The following PATL2 variants were observed in gnomAD, a reference collection of about 807,000 sequenced individuals.
The protein encoded by PATL2 is protein PAT1 homolog 2.
In PATL2, 73 loss-of-function variants were observed where a neutral mutation model predicts 77.0. That is an observed-to-expected ratio of 0.95 (90% CI 0.78 to 1.15). The LOEUF (loss-of-function observed/expected upper bound fraction) is 1.15. Ranked by LOEUF, PATL2 falls within the 50% of genes most tolerant of loss-of-function variation. The pLI is 0.00. For missense variants in PATL2, 618 were observed against 655.4 expected, an observed-to-expected ratio of 0.94 and a Z score of 0.62; for synonymous variants, 265 against 257.1, an observed-to-expected ratio of 1.03 and a Z score of -0.29.
At chr15:44,698,591 T>C (rs1344789905) in intron 3 of PATL2, among the ~76,000 whole-genome samples, 2 of 152,210 alleles carry the variant, frequency 1.3e-5, no homozygotes, top group Non-Finnish European at 2.9e-5. Flanking sequence ...CCCTTTATTA[T>C]GGCCAAACAC....
At chr15:44,676,781 G>A in intron 3 of PATL2, 1 of 1,235,916 alleles carries the variant, frequency 8.1e-7, no homozygotes, top group Non-Finnish European at 1.0e-6. Flanking sequence ...ATGAGGCACA[G>A]GCTAGAAGCA....
chr15:44,709,758 G>A (rs929396728), intron 3 of PATL2, among the ~76,000 whole-genome samples: 1 of 152,028 alleles, frequency 6.6e-6, no homozygotes, highest in Non-Finnish European at 1.5e-5. Flanking sequence ...TTTTTAAATT[G>A]GTTTTCCAAG....
chr15:44,705,941 C>G (rs1041352711), intron 3 of PATL2, among the ~76,000 whole-genome samples: 10 of 151,746 alleles, frequency 6.6e-5, no homozygotes, highest in Non-Finnish European at 5.9e-5. Flanking sequence ...GCTGGGATTA[C>G]AAGCATATGC....
chr15:44,674,127 T>C, intron 6 of PATL2, 23 bp downstream of exon 6: 1 of 1,526,484 alleles, frequency 6.6e-7, no homozygotes, highest in East Asian at 2.5e-5. Context: ...CTACCCACAG[T>C]ATGGAGACTG....
chr15:44,677,023 A>G lies in PATL2; in HGVS notation c.-75-458T>C, dbSNP rs144586075. 172 of 572,432 alleles carry G rather than the reference A, an allele frequency of 3.0e-4. 1 individual carries two copies. The African/African-American group carries it at 3.4e-3, about 11-fold the overall frequency. 35.5% of individuals were successfully genotyped at this position (572,432 alleles called of 1,614,324 possible). A position where few individuals can be genotyped will look rare whatever the true frequency, so the allele number is the denominator to read the frequency against. On this transcript the variant is annotated intron_variant, in intron 3 of 17. Transcript: ENST00000682850. ...ATTGGGGCCTGATGGAAATATGAGA[A>G]CATAGTTTAATGATTAAAAAAACGC...
Position 44,668,558 on chromosome 15 carries a change from T to TC in PATL2, c.1225-77dup, listed in dbSNP as rs1321245192. The TC allele has an allele frequency of 6.5e-5, 98 of 1,501,448 alleles. No homozygotes were observed. In the African/African-American group the frequency reaches 1.2e-3, roughly 18 times the overall value. The allele number at this position is 1,501,448 out of a possible 1,614,324, so 93.0% of individuals were successfully genotyped here. A position where few individuals can be genotyped will look rare whatever the true frequency, so the allele number is the denominator to read the frequency against. On this transcript the variant is annotated intron_variant, in intron 14 of 17. Coordinates refer to ENST00000682850, the MANE Select transcript of PATL2 (RefSeq NM_001387263.1). ...CCCTTACCTTGCTTCCACAGTCCCT[T>TC]CCCTCGCTGACCTGTCTTTGGCACG... is the stretch of plus-strand genomic sequence containing the variant.
At chr15:44,672,282 G>C in intron 8 of PATL2, 106 bp downstream of exon 8, 1 of 1,525,352 alleles carries the variant, frequency 6.6e-7, no homozygotes, top group Non-Finnish European at 8.9e-7. Flanking sequence ...AACAGTATGA[G>C]AGTTTTAACC....
intron 5 of PATL2, 132 bp downstream of exon 5, chr15:44,675,354 G>T (rs2085899857): frequency 9.5e-7 from 1 of 1,053,076 alleles, no homozygotes; most frequent in African/African-American, 1.6e-5. Context: ...CAAGTTCAAG[G>T]CTTAAAAAGA....
At chr15:44,706,771 A>G (rs1408200375) in intron 3 of PATL2, among the ~76,000 whole-genome samples, 2 of 152,110 alleles carry the variant, frequency 1.3e-5, no homozygotes, top group African/African-American at 2.4e-5. Context: ...ACCTATGTTC[A>G]CTCAAGGCCC....
At chr15:44,682,982 G>A (rs962861860) in intron 3 of PATL2, among the ~76,000 whole-genome samples, 1 of 152,198 alleles carries the variant, frequency 6.6e-6, no homozygotes, top group Non-Finnish European at 1.5e-5. Flanking sequence ...CCCGGGAAGT[G>A]CAAGGGGTTG....
Position 44,669,018 on chromosome 15 carries a change from G to A in PATL2, c.1186C>T (p.His396Tyr). 1 of 1,550,940 alleles carries A rather than the reference G, an allele frequency of 6.4e-7. No homozygotes were observed. The highest frequency in any genetic ancestry group is 8.7e-7 in the Non-Finnish European group (1 of 1,146,572). The change falls in exon 14 of 18, where the codon CAT becomes TAT. Residue 396 changes from histidine to tyrosine, a missense_variant. Transcript: ENST00000682850. ...AVTILLAITH[H>Y]LPLLVRRDVA... ...TCCCTCCGGACCAGGAGGGGCAGAT[G>A]GTGGGTGATAGCCAAAAGAATGGTA...
At chr15:44,698,098 ATTTTAT>A (rs1186423288) in intron 3 of PATL2, among the ~76,000 whole-genome samples, 2 of 146,536 alleles carry the variant, frequency 1.4e-5, no homozygotes, top group Admixed American at 6.8e-5. Context: ...TTTAATTTTA[ATTTTAT>A]TTTTAATTTT....
At position 44,669,851 on chromosome 15, in the gene PATL2, C is replaced by A; in HGVS notation, c.802G>T (p.Gly268Cys). The A allele has an allele frequency of 1.3e-6, 2 of 1,551,624 alleles. No homozygotes were observed. Among genetic ancestry groups the A allele is most frequent in the Non-Finnish European group, 8.7e-7 (1 of 1,146,992 alleles). ...ESVVRIEGSLGQVAVSTCFSP... is the reference protein window; with the variant it reads ...ESVVRIEGSLCQVAVSTCFSP... The stretch of plus-strand genomic sequence containing the variant: ...AAGCATGTCGACACAGCTACCTGGC[C>A]CAGGGAACCCTCGATTCGGACCACT... Residue 268 changes from glycine to cysteine, a missense_variant, in exon 11 of 18, where the codon GGC (glycine) becomes TGC (cysteine). Coordinates refer to ENST00000682850, the MANE Select transcript of PATL2 (RefSeq NM_001387263.1).
chr15:44,709,182 A>G (rs1413118038), intron 3 of PATL2, among the ~76,000 whole-genome samples: 1 of 152,150 alleles, frequency 6.6e-6, no homozygotes, highest in Non-Finnish European at 1.5e-5. Context: ...TACAGGTGTG[A>G]GCCACCACAT....
chr15:44,688,839 AC>A (rs1372842298), intron 3 of PATL2, among the ~76,000 whole-genome samples: 1 of 152,254 alleles, frequency 6.6e-6, no homozygotes, highest in Non-Finnish European at 1.5e-5. Flanking sequence ...AGCAATGGCA[AC>A]AAAAGCCAAA....
Position 44,669,879 on chromosome 15 carries a change from A to T in PATL2, c.779-5T>A. 3.2e-6 allele frequency: 5 copies of T among 1,551,526 alleles called. No homozygotes were observed. Among genetic ancestry groups the T allele is most frequent in the Non-Finnish European group, 4.4e-6 (5 of 1,146,942 alleles). On this transcript the variant is annotated splice_region_variant and splice_polypyrimidine_tract_variant and intron_variant, in intron 10 of 17. Coordinates refer to ENST00000682850, the MANE Select transcript of PATL2 (RefSeq NM_001387263.1). ...GGGAACCCTCGATTCGGACCACTGC[A>T]TGAGAAGAGAGGCACATTTCCTTCC...
At chr15:44,676,146 G>A (rs572035636) in intron 4 of PATL2, 79 of 401,978 alleles carry the variant, frequency 2.0e-4, no homozygotes, top group African/African-American at 8.3e-4. Context: ...CCCACCCAAC[G>A]CCCTTTCTAT....
intron 3 of PATL2, among the ~76,000 whole-genome samples, chr15:44,689,073 A>G (rs2086326862): frequency 6.6e-6 from 1 of 152,280 alleles, no homozygotes; most frequent in Non-Finnish European, 1.5e-5. Flanking sequence ...ACACTTCTCA[A>G]AAGAAGACAT....
chr15:44,711,370 T>C, upstream of PATL2: 1 of 737,868 alleles, frequency 1.4e-6, no homozygotes, highest in Non-Finnish European at 2.3e-6. Flanking sequence ...CACGAGACTC[T>C]AAGAAAAGGA....
Sources: allele counts gnomAD v4.1 joint callset (sites outside exome capture counted in the v4.1 genomes callset), GRCh38; gene constraint gnomAD v4.1.1; transcripts MANE v1.5; gene names NCBI Gene and HGNC (gene_info 2026-07-23, HGNC 2026-07-21).